Variants in PDZRN3 observed in about 807,000 individuals in gnomAD.
PDZRN3 encodes E3 ubiquitin-protein ligase PDZRN3.
Under a neutral mutation model 85.7 loss-of-function variants are expected in PDZRN3, and 38 were observed. The observed-to-expected ratio is 0.44, with a 90% confidence interval of 0.34 to 0.58. The LOEUF is 0.58. PDZRN3 is among the 20% of genes least tolerant of loss of function. PDZRN3 has a pLI of 0.01. For synonymous variants in PDZRN3, 759 were observed against 638.0 expected, an observed-to-expected ratio of 1.19 and a Z score of -2.86; for missense variants, 1,629 against 1,506.4, an observed-to-expected ratio of 1.08 and a Z score of -1.35.
At position 73,443,013 on chromosome 3, in the gene PDZRN3, G is replaced by C. The variant is rs1702672143; in HGVS notation, c.919-38618C>G. ...TTCCTCCTTCACCTGAAGGGAGGCT[G>C]TGTCTCCTATGAGCTCACTTCAAGT... On this transcript the variant is annotated intron_variant, in intron 3 of 9. Transcript: ENST00000263666. Among the ~76,000 whole-genome samples, 3 of 152,202 alleles carry C rather than the reference G, an allele frequency of 2.0e-5. No homozygotes were observed. In the South Asian group the frequency reaches 6.2e-4, roughly 31 times the overall value.
At chr3:73,443,579 G>C (rs940740088) in intron 3 of PDZRN3, among the ~76,000 whole-genome samples, 2 of 147,262 alleles carry the variant, frequency 1.4e-5, no homozygotes, top group Non-Finnish European at 2.9e-5. Flanking sequence ...CTGAACTCTC[G>C]GGCTCAAGCT....
intron 3 of PDZRN3, among the ~76,000 whole-genome samples, chr3:73,500,149 G>A (rs1703949896): frequency 6.6e-6 from 1 of 152,008 alleles, no homozygotes; most frequent in Non-Finnish European, 1.5e-5. Flanking sequence ...TTGATCTCAT[G>A]GGTTCAAGTG....
chr3:73,593,995 T>C (rs939340129), intron 3 of PDZRN3: 3 of 152,200 alleles, frequency 2.0e-5, no homozygotes, highest in Admixed American at 6.5e-5. Context: ...GCAAGAGTTG[T>C]AGCACTCCAT....
chr3:73,423,663 C>T (rs1702246582), intron 3 of PDZRN3, among the ~76,000 whole-genome samples: 1 of 152,192 alleles, frequency 6.6e-6, no homozygotes, highest in South Asian at 2.1e-4. Context: ...AATCTTTTTA[C>T]AGATGAAGAA....
chr3:73,433,987 C>G (rs527852385), intron 3 of PDZRN3: 2 of 1,280,580 alleles, frequency 1.6e-6, no homozygotes, highest in African/African-American at 1.5e-5. Flanking sequence ...CTGAGTGACT[C>G]TGGCAGCTGG....
intron 3 of PDZRN3, among the ~76,000 whole-genome samples, chr3:73,441,433 A>AAAAAG (rs1324187618): frequency 4.7e-4 from 70 of 149,870 alleles, no homozygotes; most frequent in African/African-American, 1.7e-3. Flanking sequence ...AAAAAAAAAA[A>AAAAAG]GTAAAATACA....
intron 3 of PDZRN3, among the ~76,000 whole-genome samples, chr3:73,550,191 C>T (rs564491138): frequency 6.6e-6 from 1 of 152,320 alleles, no homozygotes; most frequent in South Asian, 2.1e-4. Flanking sequence ...CCAGAACTAG[C>T]AACAGCTGAA....
At chr3:73,525,694 T>C (rs1371935475) in intron 3 of PDZRN3, among the ~76,000 whole-genome samples, 1 of 152,208 alleles carries the variant, frequency 6.6e-6, no homozygotes, top group Non-Finnish European at 1.5e-5. Context: ...ATTTTTCCCA[T>C]GTCTAGGCTC....
intron 3 of PDZRN3, among the ~76,000 whole-genome samples, chr3:73,535,349 A>G (rs894320008): frequency 6.6e-6 from 1 of 152,150 alleles, no homozygotes; most frequent in African/African-American, 2.4e-5. Flanking sequence ...TCACACTCCA[A>G]TATATCATCA....
In PDZRN3 at chr3:73,478,574, G is replaced by A. The variant is rs143025046; in HGVS notation, c.919-74179C>T. On this transcript the variant is annotated intron_variant, in intron 3 of 9. Transcript: ENST00000263666. ...ATAATAATGTAATAATAATAATAAT[G>A]TAGTAATAATAGCATTACAATAAAT... Among the ~76,000 whole-genome samples the A allele has an allele frequency of 2.4e-3, 364 of 151,492 alleles. 1 individual carries two copies. The highest frequency in any genetic ancestry group is 8.2e-3 in the African/African-American group (340 of 41,404).
At chr3:73,619,926 C>A (rs188143924) in intron 1 of PDZRN3, among the ~76,000 whole-genome samples, 1 of 152,332 alleles carries the variant, frequency 6.6e-6, no homozygotes, top group East Asian at 1.9e-4. Context: ...GTGTCTGAGA[C>A]AAAGGCCAAT....
intron 1 of PDZRN3, chr3:73,623,900 G>C: frequency 2.1e-6 from 1 of 466,976 alleles, no homozygotes; most frequent in Non-Finnish European, 3.7e-6. Context: ...GTTACGTCTA[G>C]ACTATAAAGG....
In PDZRN3 at chr3:73,383,969, G is replaced by C. The variant is rs1703331822; in HGVS notation, c.2597C>G (p.Ser866Cys). ...CGGGATGTGCGCGTGCTTGTATGGG[G>C]AGTGGTGATAGGAGGGCAGGTAGGC... ...GSAYLPSYHH[S>C]PYKHAHIPAH... Residue 866 changes from serine to cysteine, a missense_variant, in exon 10 of 10, where the codon TCC becomes TGC. Coordinates refer to ENST00000263666, the MANE Select transcript of PDZRN3 (RefSeq NM_015009.3). 1 of 1,597,070 alleles carries C rather than the reference G, an allele frequency of 6.3e-7. No homozygotes were observed. The highest frequency in any genetic ancestry group is 8.5e-7 in the Non-Finnish European group (1 of 1,172,834).
At chr3:73,601,466 T>C (rs555324507) in intron 3 of PDZRN3, among the ~76,000 whole-genome samples, 3 of 152,216 alleles carry the variant, frequency 2.0e-5, no homozygotes, top group African/African-American at 7.2e-5. Flanking sequence ...GTGAATTTCT[T>C]GTGGGGTCTG....
In PDZRN3 at chr3:73,384,362, A is replaced by G. The variant is rs1701302277; in HGVS notation, c.2204T>C (p.Val735Ala). Reference sequence around the variant, plus strand: ...GATATCTGAGAGCTCGTGTCTGCGCACGTCGATGCTGGTGTTGTAGTTGCG... The same window carrying G: ...GATATCTGAGAGCTCGTGTCTGCGCGCGTCGATGCTGGTGTTGTAGTTGCG... ...GFRNYNTSID[V>A]RRHELSDITE... The change falls in exon 10 of 10, where the codon GTG (valine) becomes GCG (alanine). Residue 735 changes from valine (V) to alanine (A), a missense_variant. Transcript: ENST00000263666. The G allele has an allele frequency of 6.2e-7, 1 of 1,609,594 alleles. No homozygotes were observed. Among genetic ancestry groups the G allele is most frequent in the Non-Finnish European group, 8.5e-7 (1 of 1,179,944 alleles).
At chr3:73,592,715 G>A (rs774924024) in intron 3 of PDZRN3, among the ~76,000 whole-genome samples, 1 of 152,098 alleles carries the variant, frequency 6.6e-6, no homozygotes, top group East Asian at 1.9e-4. Flanking sequence ...ATCCTCATTA[G>A]AAGAAAGCAA....
chr3:73,496,268 T>G (rs1703864401), intron 3 of PDZRN3, among the ~76,000 whole-genome samples: 1 of 152,344 alleles, frequency 6.6e-6, no homozygotes, highest in Admixed American at 6.5e-5. Flanking sequence ...TACAATCCAA[T>G]TACCTCATTC....
Position 73,440,325 on chromosome 3 carries a change from C to A in PDZRN3, c.919-35930G>T, listed in dbSNP as rs13083184. The stretch of plus-strand genomic sequence containing the variant: ...CTGTCATGGCTAGCTCCAAATCCCA[C>A]GCAGGCCAGTGAGCATCAGTCTCTG... On this transcript the variant is annotated intron_variant, in intron 3 of 9. Transcript: ENST00000263666. Among the ~76,000 whole-genome samples, 12 of 152,218 alleles carry A rather than the reference C, an allele frequency of 7.9e-5. No homozygotes were observed. In the East Asian group the frequency reaches 2.3e-3, roughly 29 times the overall value.
chr3:73,588,116 T>C (rs1702303842), intron 3 of PDZRN3, among the ~76,000 whole-genome samples: 1 of 152,174 alleles, frequency 6.6e-6, no homozygotes. Flanking sequence ...CCCTGGTGTG[T>C]GCTGTTCCTC....
Sources: gnomAD v4.1 joint callset for allele counts (sites outside exome capture counted in the v4.1 genomes callset) on GRCh38, gnomAD v4.1.1 for gene constraint, MANE v1.5 for transcripts, NCBI Gene and HGNC (gene_info 2026-07-23, HGNC 2026-07-21) for gene names.